WNT5A: variants seen among roughly 807,000 people sequenced by gnomAD.
WNT5A encodes the protein Wnt family member 5A.
In WNT5A, 9 loss-of-function variants were observed where a neutral mutation model predicts 42.1. The ratio of observed to expected loss-of-function variants is 0.21; its 90% CI spans 0.13 to 0.37. The LOEUF (loss-of-function observed/expected upper bound fraction) is 0.37. WNT5A is among the 10% of genes least tolerant of loss of function. The pLI is 1.00. For synonymous variants in WNT5A, 210 were observed against 210.0 expected (o/e 1.00, Z 0.00); for missense variants, 426 against 534.0 (o/e 0.80, Z 1.99).
In WNT5A at chr3:55,470,345, T is replaced by C; in HGVS notation, c.890A>G (p.Gln297Arg). 3 of 1,614,050 alleles carry C rather than the reference T, an allele frequency of 1.9e-6. No individual in the cohort carries two copies. Among genetic ancestry groups the C allele is most frequent in the South Asian group, 1.1e-5 (1 of 91,084 alleles). ...GCTGGGGTCGATGTAGACCAGGTCT[T>C]GTGTGGTGGGCGAGTTGAAGCGGCT... ...VNSRFNSPTTQDLVYIDPSPD... is the reference protein window; with the variant it reads ...VNSRFNSPTTRDLVYIDPSPD... Residue 297 changes from glutamine to arginine, a missense_variant, in exon 5 of 5, where the codon CAA becomes CGA. Coordinates refer to ENST00000264634, the MANE Select transcript of WNT5A (RefSeq NM_003392.7).
At chr3:55,481,062 G>T in intron 1 of WNT5A, 144 bp from the exon 2 acceptor site, 1 of 894,978 alleles carries the variant, frequency 1.1e-6, no homozygotes, top group Non-Finnish European at 1.5e-6. Flanking sequence ...TTGATGGCAA[G>T]ATATAGGCAG....
rs1357805712 is a variant in WNT5A at position 55,468,625 on chromosome 3, T to A, written c.*1467A>T. Reference sequence around the variant, plus strand: ...CTAAATCACTGGCTGCAATGAGATATATTTATATTTATATTTATATATATG... The same window carrying A: ...CTAAATCACTGGCTGCAATGAGATAAATTTATATTTATATTTATATATATG... On this transcript the variant is annotated 3_prime_UTR_variant, in exon 5 of 5. Coordinates refer to ENST00000264634, the MANE Select transcript of WNT5A (RefSeq NM_003392.7). 1.3e-5 allele frequency: 2 copies of A among 149,374 alleles called. No individual in the cohort carries two copies. The highest frequency in any genetic ancestry group is 3.0e-5 in the Non-Finnish European group (2 of 67,488). The allele number at this position is 149,374 out of a possible 1,614,324, so 9.3% of individuals were successfully genotyped here. A position where few individuals can be genotyped will look rare whatever the true frequency, so the allele number is the denominator to read the frequency against.
the WNT5A span, among the ~76,000 whole-genome samples, chr3:55,498,274 G>T: frequency 1.3e-5 from 2 of 152,140 alleles, no homozygotes; most frequent in African/African-American, 4.8e-5. Context: ...TTTCCAGGGG[G>T]ATCATCAATT....
At chr3:55,484,463 G>A (rs1437371033) in intron 1 of WNT5A, among the ~76,000 whole-genome samples, 2 of 152,182 alleles carry the variant, frequency 1.3e-5, no homozygotes, top group Non-Finnish European at 2.9e-5. Flanking sequence ...TGGCGCGCGC[G>A]GAGCGGGGTA....
At position 55,469,971 on chromosome 3, in the gene WNT5A, G is replaced by A; in HGVS notation, c.*121C>T. 1 of 1,170,118 alleles carries A rather than the reference G, an allele frequency of 8.5e-7. No homozygotes were observed. Among genetic ancestry groups the A allele is most frequent in the Non-Finnish European group, 1.2e-6 (1 of 813,388 alleles). The allele number at this position is 1,170,118 out of a possible 1,614,324, so 72.5% of individuals were successfully genotyped here. On this transcript the variant is annotated 3_prime_UTR_variant, in exon 5 of 5. Coordinates refer to ENST00000264634, the MANE Select transcript of WNT5A (RefSeq NM_003392.7). ...TTAGATGGTAACAGGAAAAAAAATG[G>A]TTCCGGTTGCAATTCTTGGGGAAAA...
chr3:55,471,111 G>A (rs942038213), intron 4 of WNT5A, among the ~76,000 whole-genome samples: 1 of 152,214 alleles, frequency 6.6e-6, no homozygotes, highest in Non-Finnish European at 1.5e-5. Context: ...TCCAGCCCCA[G>A]TGGGATCAGG....
At chr3:55,500,236 G>C in the WNT5A span, among the ~76,000 whole-genome samples, 10 of 152,066 alleles carry the variant, frequency 6.6e-5, no homozygotes, top group African/African-American at 1.9e-4. Flanking sequence ...AAAATCAAGA[G>C]CTTGGGCTAA....
chr3:55,492,229 T>TG (rs1553681314), upstream of WNT5A, among the ~76,000 whole-genome samples: 15 of 36,882 alleles, frequency 4.1e-4, no homozygotes, highest in South Asian at 2.3e-3. Context: ...TGGTGCTTTG[T>TG]GGCGGGGGGG....
chr3:55,479,025 G>C, intron 3 of WNT5A: 1 of 226,166 alleles, frequency 4.4e-6, no homozygotes, highest in Non-Finnish European at 8.5e-6. Context: ...ACCAAAATAA[G>C]TGTTCTGCTT....
chr3:55,497,268 T>A, the WNT5A span: 1 of 152,284 alleles, frequency 6.6e-6, no homozygotes, highest in Non-Finnish European at 1.5e-5. Flanking sequence ...AGCTCAGTAG[T>A]CCTGGAAGAG....
intron 1 of WNT5A, among the ~76,000 whole-genome samples, chr3:55,486,362 G>C (rs951265482): frequency 7.2e-5 from 11 of 152,208 alleles, no homozygotes; most frequent in African/African-American, 1.7e-4. Flanking sequence ...CGGGGTGCGC[G>C]CTGGCCCCCC....
At chr3:55,481,232 C>A (rs1301818106) in intron 1 of WNT5A, 34 of 956,912 alleles carry the variant, frequency 3.6e-5, no homozygotes, top group Non-Finnish European at 4.1e-5. Flanking sequence ...CGCTCGAGTC[C>A]CGCACCCCCT....
chr3:55,484,887 C>T (rs1462227092), intron 1 of WNT5A, among the ~76,000 whole-genome samples: 1 of 152,178 alleles, frequency 6.6e-6, no homozygotes, highest in Non-Finnish European at 1.5e-5. Flanking sequence ...TTTTAATAGA[C>T]GATTAAAGTG....
rs2051517674 is a variant in WNT5A, at chr3:55,483,896, G to T, written c.7-2978C>A. 6.6e-6 allele frequency among the ~76,000 whole-genome samples: 1 copy of T among 152,114 alleles called. No individual in the cohort carries two copies. The highest frequency in any genetic ancestry group is 1.5e-5 in the Non-Finnish European group (1 of 68,020). On this transcript the variant is annotated intron_variant, in intron 1 of 4. Transcript: ENST00000264634. This position sits in a 1 kb window ranked among gnomAD's most constrained non-coding sequence, Gnocchi z 4.2. ...AAATTGTTCAGAGGACGTTCGGAGG[G>T]CGCGGGGAGCAGCCGGATGCACACC...
At chr3:55,505,019 A>G in the WNT5A span, among the ~76,000 whole-genome samples, 2 of 152,310 alleles carry the variant, frequency 1.3e-5, no homozygotes, top group South Asian at 4.2e-4. Flanking sequence ...AGCAGCAGGA[A>G]GCAATGGTTC....
chr3:55,488,172 G>C (rs1319685987), upstream of WNT5A: 86 of 152,550 alleles, frequency 5.6e-4, 2 homozygotes, highest in Admixed American at 5.6e-3. Flanking sequence ...GCGGTCCCGG[G>C]CACAACGGCG....
At chr3:55,493,895 GGTATCCC>G (rs2051688387), upstream of WNT5A, 1 of 152,162 alleles carries the variant, frequency 6.6e-6, no homozygotes, top group Non-Finnish European at 1.5e-5. Context: ...GAAGAAAGAC[GGTATCCC>G]ATTTACTCTC....
intron 1 of WNT5A, chr3:55,481,460 G>T: frequency 1.8e-6 from 1 of 550,092 alleles, no homozygotes; most frequent in Non-Finnish European, 2.3e-6. Context: ...GAGGATGGGG[G>T]CAGGACGCGG....
At chr3:55,482,473 A>G (rs1243005796) in intron 1 of WNT5A, among the ~76,000 whole-genome samples, 1 of 152,196 alleles carries the variant, frequency 6.6e-6, no homozygotes, top group East Asian at 1.9e-4. Flanking sequence ...GCGGTGGAAG[A>G]GCCTGGCTTG....
Sources: gnomAD v4.1 joint callset for allele counts (sites outside exome capture counted in the v4.1 genomes callset) on GRCh38, gnomAD v4.1.1 for gene constraint, Gnocchi (gnomAD v3.1) non-coding constraint, MANE v1.5 for transcripts, NCBI Gene and HGNC (gene_info 2026-07-23, HGNC 2026-07-21) for gene names.